ADGRE2: variants seen among roughly 807,000 people sequenced by gnomAD.
ADGRE2 encodes the protein adhesion G protein-coupled receptor E2, also known as CD97 antigen.
A neutral mutation model predicts 100.8 loss-of-function variants in ADGRE2; 83 were observed. The ratio of observed to expected loss-of-function variants is 0.82; its 90% CI spans 0.69 to 0.99. ADGRE2 has a LOEUF of 0.99. Among genes scored for constraint, ADGRE2 ranks in the 50% least tolerant of loss-of-function variants. The pLI is 0.00. For missense variants in ADGRE2, 814 were observed against 1,035.7 expected (o/e 0.79, Z 2.94); for synonymous variants, 355 against 413.0 (o/e 0.86, Z 1.70).
intron 4 of ADGRE2, among the ~76,000 whole-genome samples, 194 bp from the exon 5 acceptor site, chr19:14,772,691 G>T (rs2044255154): frequency 6.7e-6 from 1 of 148,878 alleles, no homozygotes; most frequent in Admixed American, 6.8e-5. Flanking sequence ...CAGTTCTCTG[G>T]CTGGCATCCT....
At chr19:14,749,420 ATTAT>A (rs1476000129) in intron 16 of ADGRE2, among the ~76,000 whole-genome samples, 9 of 110,166 alleles carry the variant, frequency 8.2e-5, no homozygotes, top group East Asian at 2.4e-4. Context: ...TAGTTATATA[ATTAT>A]TTATAGTTAT....
At chr19:14,725,789 C>G in the ADGRE2 span, among the ~76,000 whole-genome samples, 54,142 of 152,142 alleles carry the variant, frequency 0.36, 10,208 homozygotes, top group East Asian at 0.61. Flanking sequence ...TGTGGCTTTG[C>G]AGGGTGCAAC....
chr19:14,724,523 T>G, the ADGRE2 span, among the ~76,000 whole-genome samples: 2 of 152,182 alleles, frequency 1.3e-5, no homozygotes, highest in African/African-American at 4.8e-5. Context: ...CCCAGCACTT[T>G]GGGAGGCCGA....
At chr19:14,754,858 G>T in intron 14 of ADGRE2, 96 bp downstream of exon 14, 1 of 1,366,488 alleles carries the variant, frequency 7.3e-7, no homozygotes, top group Non-Finnish European at 1.0e-6. Context: ...CCAGAGCTGT[G>T]AGATAATGCA....
chr19:14,766,684 G>C (rs2043990798), intron 6 of ADGRE2, among the ~76,000 whole-genome samples: 1 of 152,282 alleles, frequency 6.6e-6, no homozygotes, highest in South Asian at 2.1e-4. Flanking sequence ...CTATGGTGGA[G>C]GTTCCCCTTC....
intron 20 of ADGRE2, among the ~76,000 whole-genome samples, chr19:14,739,748 T>G (rs942667350): frequency 6.6e-6 from 1 of 152,182 alleles, no homozygotes; most frequent in East Asian, 1.9e-4. Flanking sequence ...TGGATTGTCT[T>G]GGTGAACCCA....
At chr19:14,776,167 CTTG>C (rs1217922399) in intron 2 of ADGRE2, among the ~76,000 whole-genome samples, 1 of 151,994 alleles carries the variant, frequency 6.6e-6, no homozygotes. Flanking sequence ...TAGGGATCTC[CTTG>C]TTGTTCACCA....
At position 14,766,351 on chromosome 19, in the gene ADGRE2, G is replaced by A; in HGVS notation, c.518C>T (p.Pro173Leu). The A allele has an allele frequency of 1.2e-6, 2 of 1,614,036 alleles. No individual in the cohort carries two copies. Among genetic ancestry groups the A allele is most frequent in the Admixed American group, 1.7e-5 (1 of 59,992 alleles). Residue 173 changes from proline (P) to leucine (L), a missense_variant, in exon 7 of 21, where the codon CCA becomes CTA. This residue lies in a region of ADGRE2 where 69 missense variants were observed against 75.3 expected (regional missense o/e 0.92). Coordinates refer to ENST00000315576, the MANE Select transcript of ADGRE2 (RefSeq NM_013447.4). The part of the protein sequence containing the change: ...DVNECTSGQN[P>L]CHSSTHCLNN... ...GAGGCAGTGGGTGGAGCTGTGGCAT[G>A]GGTTTTGTCCGGAGGTGCATTCATT...
At chr19:14,769,783 C>G (rs1350870369) in intron 5 of ADGRE2, among the ~76,000 whole-genome samples, 1 of 152,118 alleles carries the variant, frequency 6.6e-6, no homozygotes, top group Non-Finnish European at 1.5e-5. Context: ...ACTGCAAGCT[C>G]CGCCTCCCAG....
chr19:14,753,986 A>C (rs945269869), intron 14 of ADGRE2, among the ~76,000 whole-genome samples: 1 of 152,172 alleles, frequency 6.6e-6, no homozygotes, highest in Non-Finnish European at 1.5e-5. Flanking sequence ...GGAAATTAAC[A>C]TTTGAGTCAG....
rs549195969 is a variant in ADGRE2 at position 14,769,393 on chromosome 19, T to C, written c.356-2284A>G. ...ACGGCCCTGTGATGCCTGGAGTAAG[T>C]GGGGCAAGGAGCTGAGGGAGTGGCC... On this transcript the variant is annotated intron_variant, in intron 5 of 20. Coordinates refer to ENST00000315576, the MANE Select transcript of ADGRE2 (RefSeq NM_013447.4). Among the ~76,000 whole-genome samples the C allele has an allele frequency of 7.2e-5, 11 of 152,044 alleles. No homozygotes were observed. In the South Asian group the frequency reaches 2.1e-3, roughly 29 times the overall value.
chr19:14,736,185 T>G lies in ADGRE2; in HGVS notation c.*51A>C, dbSNP rs376651551. 3 of 1,566,760 alleles carry G rather than the reference T, an allele frequency of 1.9e-6. No homozygotes were observed. In the African/African-American group the frequency reaches 4.1e-5, roughly 21 times the overall value. ...TTTCCCCTCTAGATGGCTCAAAGAT[T>G]GTTCAGATTTTCCACGGGCAAAGAG... On this transcript the variant is annotated 3_prime_UTR_variant, in exon 21 of 21. Coordinates refer to ENST00000315576, the MANE Select transcript of ADGRE2 (RefSeq NM_013447.4).
At chr19:14,761,344 T>C (rs972097768) in intron 11 of ADGRE2, among the ~76,000 whole-genome samples, 1 of 152,054 alleles carries the variant, frequency 6.6e-6, no homozygotes, top group Non-Finnish European at 1.5e-5. Flanking sequence ...AGGTGGAGTC[T>C]ACAGTGAGCC....
At chr19:14,731,370 C>T (rs972498587), downstream of ADGRE2, 3 of 615,058 alleles carry the variant, frequency 4.9e-6, no homozygotes, top group South Asian at 2.1e-5. Context: ...CCTTAACTTC[C>T]GGCTTCCGGG....
Position 14,733,642 on chromosome 19 carries a change from T to A in ADGRE2, c.*2594A>T, listed in dbSNP as rs2042700369. The stretch of plus-strand genomic sequence containing the variant: ...CTCTAAGAAACTCTCCCACCCTAAA[T>A]CCTTAAACACTCTTAGTCTGTAGAA... On this transcript the variant is annotated 3_prime_UTR_variant, in exon 21 of 21. Transcript: ENST00000315576. 6.6e-6 allele frequency: 1 copy of A among 152,252 alleles called. No homozygotes were observed. The highest frequency in any genetic ancestry group is 2.4e-5 in the African/African-American group (1 of 41,534). The allele number at this position is 152,252 out of a possible 1,614,324, so 9.4% of individuals were successfully genotyped here.
chr19:14,773,085 AAAAAAAAAAAAAAC>A (rs1388847292), intron 4 of ADGRE2, among the ~76,000 whole-genome samples: 3 of 144,158 alleles, frequency 2.1e-5, no homozygotes, highest in Non-Finnish European at 3.0e-5. Flanking sequence ...CATCTCAAAA[AAAAAAAAAAAAAAC>A]AAAAAAAAAA....
At chr19:14,757,053 C>CT (rs1484103749) in intron 11 of ADGRE2, among the ~76,000 whole-genome samples, 1 of 152,066 alleles carries the variant, frequency 6.6e-6, no homozygotes, top group Non-Finnish European at 1.5e-5. Flanking sequence ...CAGGTGCTCA[C>CT]TACCACAGCC....
chr19:14,756,490 ATATC>A (rs2043506946), intron 11 of ADGRE2, 145 bp from the exon 12 acceptor site: 1 of 630,536 alleles, frequency 1.6e-6, no homozygotes, highest in South Asian at 1.9e-5. Flanking sequence ...GAGCAACTGT[ATATC>A]TACAAAGTAG....
At position 14,770,673 on chromosome 19, in the gene ADGRE2, T is replaced by TCTTTTTCTG. The variant is rs1456435933; in HGVS notation, c.355+1668_355+1669insCAGAAAAAG. Among the ~76,000 whole-genome samples, 3 of 125,386 alleles carry TCTTTTTCTG rather than the reference T, an allele frequency of 2.4e-5. No individual in the cohort carries two copies. In the Admixed American group the frequency reaches 2.6e-4, roughly 11 times the overall value. 82.3% of individuals were successfully genotyped at this position (125,386 alleles called of 152,430 possible). A position where few individuals can be genotyped will look rare whatever the true frequency, so the allele number is the denominator to read the frequency against. On this transcript the variant is annotated intron_variant, in intron 5 of 20. Transcript: ENST00000315576. ...TTCTTTTTGTTTCTTTCTTTTCTTT[T>TCTTTTTCTG]TTTTTTTTTTTTTTTTTTTTTTTTG...
Sources: gnomAD v4.1 joint callset for allele counts (sites outside exome capture counted in the v4.1 genomes callset) on GRCh38, gnomAD v4.1.1 for gene constraint, gnomAD v4.1.1 regional missense constraint, MANE v1.5 for transcripts, NCBI Gene and HGNC (gene_info 2026-07-23, HGNC 2026-07-21) for gene names.